DNAAF9: variants seen among roughly 807,000 people sequenced by gnomAD.
The protein encoded by DNAAF9 is shulin.
A neutral mutation model predicts 167.0 loss-of-function variants in DNAAF9; 90 were observed. The observed-to-expected ratio is 0.54, with a 90% CI of 0.45 to 0.64. The LOEUF (loss-of-function observed/expected upper bound fraction) is 0.64, where lower values mean the gene tolerates loss of function less well. Among genes scored for constraint, DNAAF9 ranks in the 30% least tolerant of loss-of-function variants. The pLI, the probability that DNAAF9 is intolerant of heterozygous loss-of-function variation, is 0.00. For missense variants in DNAAF9, 1,315 were observed against 1,442.2 expected (o/e 0.91, Z 1.43); for synonymous variants, 491 against 508.8 (o/e 0.96, Z 0.47).
chr20:3,347,827 CAGG>C lies in DNAAF9; in HGVS notation c.789+695_789+697del, dbSNP rs531896014. On this transcript the variant is annotated intron_variant, in intron 8 of 36. Transcript: ENST00000252032. Reference sequence around the variant, plus strand: ...ATCCCAGCTACTTGGGAGGCTGAGGCAGGAGAATTGCTTGAACCCTGGAGGAAG... The same window carrying C: ...ATCCCAGCTACTTGGGAGGCTGAGGCAGAATTGCTTGAACCCTGGAGGAAG... Among the ~76,000 whole-genome samples, 709 of 152,142 alleles carry C rather than the reference CAGG, an allele frequency of 4.7e-3. 2 individuals are homozygous for C. Among genetic ancestry groups the C allele is most frequent in the Non-Finnish European group, 7.9e-3 (539 of 67,974 alleles).
intron 7 of DNAAF9, among the ~76,000 whole-genome samples, chr20:3,358,572 C>A (rs1600852034): frequency 1.3e-5 from 2 of 152,232 alleles, no homozygotes; most frequent in African/African-American, 4.8e-5. Context: ...AGGCGTGAGC[C>A]ACTGTGCCCA....
chr20:3,283,525 T>C (rs1029601456), intron 27 of DNAAF9, among the ~76,000 whole-genome samples: 6 of 152,232 alleles, frequency 3.9e-5, no homozygotes, highest in African/African-American at 1.4e-4. Flanking sequence ...CATGTATGTA[T>C]GACCACACGC....
At chr20:3,308,364 A>C (rs2069341576) in intron 20 of DNAAF9, among the ~76,000 whole-genome samples, 1 of 112,266 alleles carries the variant, frequency 8.9e-6, no homozygotes, top group African/African-American at 3.4e-5. Flanking sequence ...TTTTTTTGAG[A>C]TGGAGTCTCA....
At chr20:3,357,007 T>C (rs529917599) in intron 7 of DNAAF9, among the ~76,000 whole-genome samples, 1 of 152,340 alleles carries the variant, frequency 6.6e-6, no homozygotes, top group East Asian at 1.9e-4. Context: ...GCTGGGATTA[T>C]TTATAAATTC....
At chr20:3,368,135 C>T (rs1052354103) in intron 6 of DNAAF9, among the ~76,000 whole-genome samples, 2 of 152,166 alleles carry the variant, frequency 1.3e-5, no homozygotes, top group Middle Eastern at 3.4e-3. Flanking sequence ...TGCTGAGTAC[C>T]GACTGGGGCA....
rs1331836260 is a variant in DNAAF9 at position 3,281,872 on chromosome 20, AAAGG to A, written c.2487-110_2487-107del. On this transcript the variant is annotated intron_variant, in intron 27 of 36. Coordinates refer to ENST00000252032, the MANE Select transcript of DNAAF9 (RefSeq NM_001009984.3). ...TTGAACAAGGATGGAAAGAAAACCA[AAAGG>A]AAGAGCCCGCAATCTGGTCCCTTGG... 19 of 1,155,056 alleles carry A rather than the reference AAAGG, an allele frequency of 1.6e-5. No individual in the cohort carries two copies. The African/African-American group carries it at 3.0e-4, about 18-fold the overall frequency. The allele number at this position is 1,155,056 out of a possible 1,614,324, so 71.6% of individuals were successfully genotyped here.
chr20:3,402,991 T>A (rs1413285249), intron 1 of DNAAF9, among the ~76,000 whole-genome samples: 3 of 152,214 alleles, frequency 2.0e-5, no homozygotes, highest in Non-Finnish European at 4.4e-5. Context: ...TATTTTTTTA[T>A]CATTTCTTCA....
intron 29 of DNAAF9, among the ~76,000 whole-genome samples, chr20:3,273,742 C>G (rs1195563136): frequency 6.6e-6 from 1 of 152,168 alleles, no homozygotes. Flanking sequence ...TTGGAGGGGA[C>G]AAACATCTAA....
Position 3,270,525 on chromosome 20 carries a change from C to T in DNAAF9, c.2688G>A (p.Thr896=), listed in dbSNP as rs777016500. The change falls in exon 30 of 37, where the codon ACG becomes ACA. Residue 896 remains threonine, a synonymous_variant. Coordinates refer to ENST00000252032, the MANE Select transcript of DNAAF9 (RefSeq NM_001009984.3). The part of the protein sequence containing the change: ...VSNVVFTSHT[T]EQRHPLLVQL... ...GAACAAGGAGAGGGTGCCGCTGCTC[C>T]GTGGTGTGACTGGTGAATACCACGT... 4.9e-5 allele frequency: 79 copies of T among 1,612,928 alleles called. 2 individuals carry two copies. The Admixed American group carries it at 1.0e-3, about 21-fold the overall frequency.
chr20:3,287,679 C>G lies in DNAAF9; in HGVS notation c.2439G>C (p.Gln813His). 5 of 1,614,266 alleles carry G rather than the reference C, an allele frequency of 3.1e-6. No individual in the cohort carries two copies. Among genetic ancestry groups the G allele is most frequent in the Non-Finnish European group, 4.2e-6 (5 of 1,180,052 alleles). Residue 813 changes from glutamine (Q) to histidine (H), a missense_variant, in exon 27 of 37, where the codon CAG (glutamine) becomes CAC (histidine). Gln to His is a conservative substitution (Grantham distance 24, BLOSUM62 0). Around this residue, in one of 2 missense-constraint regions of DNAAF9, gnomAD observed 981 missense variants for 1,012.5 expected, o/e 0.97. Transcript: ENST00000252032. ...TGGTCTTCTTGCGGATGTAGGCTGA[C>G]TGGCGCGCAGAGCGGTTCTGCTGGG... ...LEAQQNRSAR[Q>H]SAYIRKKTRL...
At chr20:3,340,434 C>CT in intron 10 of DNAAF9, 70 bp downstream of exon 10, 1 of 184,748 alleles carries the variant, frequency 5.4e-6, no homozygotes, top group Non-Finnish European at 1.2e-5. Flanking sequence ...TTGTCTAGCT[C>CT]CCCCCACCCA....
chr20:3,340,567 G>C lies in DNAAF9; in HGVS notation c.918C>G (p.Asn306Lys). The C allele has an allele frequency of 6.2e-7, 1 of 1,613,788 alleles. No homozygotes were observed. Among genetic ancestry groups the C allele is most frequent in the East Asian group, 2.2e-5 (1 of 44,864 alleles). Residue 306 changes from asparagine (N) to lysine (K), a missense_variant, in exon 10 of 37, where the codon AAC becomes AAG. Around this residue, in one of 2 missense-constraint regions of DNAAF9, gnomAD observed 981 missense variants for 1,012.5 expected, o/e 0.97. Coordinates refer to ENST00000252032, the MANE Select transcript of DNAAF9 (RefSeq NM_001009984.3). ...GTACCAGATGTCCTTCAGAAGGGAA[G>C]TTAAAGTTGCCAGCATTCAGGTTTT... ...TRENLNAGNF[N>K]FPSEGHLVRS...
chr20:3,297,002 T>C, intron 22 of DNAAF9, 53 bp from the exon 23 acceptor site: 2 of 994,016 alleles, frequency 2.0e-6, no homozygotes, highest in South Asian at 1.3e-5. Context: ...CAACAGGATA[T>C]GGAAGCCACA....
intron 7 of DNAAF9, among the ~76,000 whole-genome samples, chr20:3,355,442 G>C (rs560606027): frequency 1.3e-5 from 2 of 152,196 alleles, no homozygotes; most frequent in East Asian, 1.9e-4. Flanking sequence ...AGGCATGGTG[G>C]CACACACCTG....
chr20:3,295,507 C>T (rs1412356230), intron 23 of DNAAF9: 3 of 257,404 alleles, frequency 1.2e-5, no homozygotes, highest in Non-Finnish European at 2.3e-5. Flanking sequence ...GAAGCCCAAA[C>T]ACATTTTCTT....
chr20:3,260,059 G>T (rs754629105), intron 31 of DNAAF9, 31 bp from the exon 32 acceptor site: 2 of 1,348,144 alleles, frequency 1.5e-6, no homozygotes, highest in East Asian at 2.3e-5. Flanking sequence ...TTAAGTACAG[G>T]CCGGGCGCGG....
chr20:3,290,268 TAAG>T, intron 25 of DNAAF9, 51 bp from the exon 26 acceptor site: 1 of 1,161,456 alleles, frequency 8.6e-7, no homozygotes, highest in Non-Finnish European at 1.3e-6. Context: ...TTGCATTATG[TAAG>T]AAGAGGTTAA....
intron 6 of DNAAF9, among the ~76,000 whole-genome samples, chr20:3,363,277 T>C (rs1391466647): frequency 2.0e-5 from 3 of 147,198 alleles, no homozygotes; most frequent in Admixed American, 6.8e-5. Context: ...CTTTTTTGTT[T>C]TGTTTTGTTT....
At chr20:3,281,906 A>G (rs2068770990) in intron 27 of DNAAF9, 140 bp from the exon 28 acceptor site, 1 of 703,728 alleles carries the variant, frequency 1.4e-6, no homozygotes, top group East Asian at 3.0e-5. Flanking sequence ...CCTTGGTGTC[A>G]CTCCACTTCA....
Sources: allele counts gnomAD v4.1 joint callset (sites outside exome capture counted in the v4.1 genomes callset), GRCh38; gene constraint gnomAD v4.1.1; regional missense constraint gnomAD v4.1.1; transcripts MANE v1.5; gene names NCBI Gene and HGNC (gene_info 2026-07-23, HGNC 2026-07-21).